Variants in AKIRIN2 observed in about 807,000 individuals in gnomAD.
AKIRIN2 encodes the protein akirin-2.
Under a neutral mutation model 29.3 loss-of-function variants are expected in AKIRIN2, and 6 were observed. That is an observed-to-expected ratio of 0.20 (90% CI 0.11 to 0.40). The LOEUF (loss-of-function observed/expected upper bound fraction) is 0.40. AKIRIN2 is among the 10% of genes least tolerant of loss of function. The pLI, the probability that AKIRIN2 is intolerant of heterozygous loss-of-function variation, is 1.00. For synonymous variants in AKIRIN2, 128 were observed against 117.5 expected (o/e 1.09, Z -0.58); for missense variants, 210 against 276.1 (o/e 0.76, Z 1.70).
chr6:87,694,571 T>G (rs1002114389), intron 1 of AKIRIN2, among the ~76,000 whole-genome samples: 2 of 152,070 alleles, frequency 1.3e-5, no homozygotes, highest in South Asian at 4.1e-4. Context: ...TGTTAAGAAA[T>G]CCAGGTACAT....
Position 87,694,349 on chromosome 6 carries a change from T to C in AKIRIN2, c.235+7101A>G, listed in dbSNP as rs187550085. 3.1e-4 allele frequency among the ~76,000 whole-genome samples: 47 copies of C among 152,276 alleles called. No individual in the cohort carries two copies. In the East Asian group the frequency reaches 8.7e-3, roughly 28 times the overall value. Reference sequence around the variant, plus strand: ...ATCAAAGGGGAAATGAATACTAATGTGGAAAAATATTAATAAGAAATGAAA... The same window carrying C: ...ATCAAAGGGGAAATGAATACTAATGCGGAAAAATATTAATAAGAAATGAAA... On this transcript the variant is annotated intron_variant, in intron 1 of 4. Coordinates refer to ENST00000257787, the MANE Select transcript of AKIRIN2 (RefSeq NM_018064.4).
chr6:87,680,770 CCCTTT>C (rs1411338717), intron 2 of AKIRIN2, among the ~76,000 whole-genome samples: 3 of 23,676 alleles, frequency 1.3e-4, no homozygotes, highest in African/African-American at 2.3e-4. Flanking sequence ...CCCGCCCCCC[CCCTTT>C]TTTTTTTTTT....
chr6:87,689,970 G>T (rs1771252915), intron 1 of AKIRIN2, among the ~76,000 whole-genome samples: 1 of 152,156 alleles, frequency 6.6e-6, no homozygotes, highest in Non-Finnish European at 1.5e-5. Context: ...CTAGCACTTT[G>T]GGAGGCCAAG....
chr6:87,688,601 T>A (rs936550553), intron 1 of AKIRIN2, among the ~76,000 whole-genome samples: 2 of 151,504 alleles, frequency 1.3e-5, no homozygotes, highest in South Asian at 4.2e-4. Context: ...CAAAAAAAAA[T>A]TAGCCAAGCA....
rs141450677 is a variant in AKIRIN2 at position 87,688,830 on chromosome 6, C to G, written c.236-7067G>C. Among the ~76,000 whole-genome samples the G allele has an allele frequency of 2.0e-5, 3 of 152,284 alleles. No individual in the cohort carries two copies. The South Asian group carries it at 6.2e-4, about 32-fold the overall frequency. On this transcript the variant is annotated intron_variant, in intron 1 of 4. Coordinates refer to ENST00000257787, the MANE Select transcript of AKIRIN2 (RefSeq NM_018064.4). Reference sequence around the variant, plus strand: ...AAATCCAAAACCCAACATGTGCATGCTACAGAAACATTTGGTTCCAAGGCA... The same window carrying G: ...AAATCCAAAACCCAACATGTGCATGGTACAGAAACATTTGGTTCCAAGGCA...
chr6:87,692,786 G>A (rs1771296300), intron 1 of AKIRIN2, among the ~76,000 whole-genome samples: 2 of 152,156 alleles, frequency 1.3e-5, no homozygotes, highest in African/African-American at 4.8e-5. Flanking sequence ...CTCCAGCCTG[G>A]GTGACAGAGT....
chr6:87,680,922 T>C (rs1450765976), intron 2 of AKIRIN2, among the ~76,000 whole-genome samples: 1 of 152,128 alleles, frequency 6.6e-6, no homozygotes, highest in South Asian at 2.1e-4. Context: ...AGGGTATGTA[T>C]ACAGGGATAG....
chr6:87,675,743 C>T, intron 4 of AKIRIN2, 117 bp downstream of exon 4: 1 of 1,440,550 alleles, frequency 6.9e-7, no homozygotes, highest in Admixed American at 1.9e-5. Context: ...CTATTTCCTC[C>T]ATACATTCTC....
At chr6:87,692,023 T>C (rs1771284944) in intron 1 of AKIRIN2, among the ~76,000 whole-genome samples, 1 of 152,182 alleles carries the variant, frequency 6.6e-6, no homozygotes, top group South Asian at 2.1e-4. Flanking sequence ...AATGGAATAA[T>C]CAAGAGGATA....
At chr6:87,681,534 A>T in intron 2 of AKIRIN2, 86 bp downstream of exon 2, 1 of 1,321,522 alleles carries the variant, frequency 7.6e-7, no homozygotes, top group Non-Finnish European at 1.0e-6. Flanking sequence ...GAGGAGATAC[A>T]GTAGCTTAAA....
At chr6:87,689,304 C>T (rs1196932228) in intron 1 of AKIRIN2, among the ~76,000 whole-genome samples, 1 of 152,194 alleles carries the variant, frequency 6.6e-6, no homozygotes, top group Non-Finnish European at 1.5e-5. Context: ...GAGTTCGAGA[C>T]CTGCCTGGCC....
intron 1 of AKIRIN2, 152 bp from the exon 2 acceptor site, chr6:87,681,915 G>A: frequency 1.5e-6 from 1 of 658,884 alleles, no homozygotes. Context: ...ACTCATTTCA[G>A]CATAAATGGG....
chr6:87,681,533 CA>C, intron 2 of AKIRIN2, 86 bp downstream of exon 2: 1 of 1,309,056 alleles, frequency 7.6e-7, no homozygotes, highest in East Asian at 2.5e-5. Flanking sequence ...AGAGGAGATA[CA>C]GTAGCTTAAA....
intron 2 of AKIRIN2, among the ~76,000 whole-genome samples, chr6:87,681,288 T>C (rs1159495776): frequency 1.3e-5 from 2 of 152,186 alleles, no homozygotes; most frequent in African/African-American, 4.8e-5. Flanking sequence ...CCTGTCTACC[T>C]CGCTCGGCCT....
intron 3 of AKIRIN2, among the ~76,000 whole-genome samples, chr6:87,676,162 A>C (rs1360742182): frequency 3.4e-5 from 3 of 89,044 alleles, no homozygotes; most frequent in Non-Finnish European, 6.2e-5. Context: ...AGATTTATTT[A>C]TTTCCTAACA....
intron 1 of AKIRIN2, among the ~76,000 whole-genome samples, chr6:87,683,648 G>T (rs908544587): frequency 3.3e-5 from 5 of 151,790 alleles, no homozygotes; most frequent in Admixed American, 1.3e-4. Flanking sequence ...CAATCTAAAG[G>T]GTTTTTCTTT....
intron 1 of AKIRIN2, among the ~76,000 whole-genome samples, chr6:87,685,412 A>G (rs117083424): frequency 7.9e-5 from 12 of 152,316 alleles, no homozygotes; most frequent in Non-Finnish European, 1.2e-4. Context: ...GGCCTTCCAT[A>G]TATCAGTCAA....
At chr6:87,684,713 T>C (rs1771163006) in intron 1 of AKIRIN2, among the ~76,000 whole-genome samples, 1 of 152,240 alleles carries the variant, frequency 6.6e-6, no homozygotes, top group African/African-American at 2.4e-5. Context: ...CAGAAATTCC[T>C]TTTTATTGGT....
chr6:87,675,791 A>G, intron 4 of AKIRIN2, 69 bp downstream of exon 4: 1 of 1,510,176 alleles, frequency 6.6e-7, no homozygotes, highest in South Asian at 1.2e-5. Flanking sequence ...GTATGAAAAT[A>G]ATTATAATGT....
Sources: gnomAD v4.1 joint callset for allele counts (sites outside exome capture counted in the v4.1 genomes callset) on GRCh38, gnomAD v4.1.1 for gene constraint, MANE v1.5 for transcripts, NCBI Gene and HGNC (gene_info 2026-07-23, HGNC 2026-07-21) for gene names.